Variants in CWC22 observed in about 807,000 individuals in gnomAD.
The protein encoded by CWC22 is pre-mRNA-splicing factor CWC22 homolog.
A neutral mutation model predicts 117.2 loss-of-function variants in CWC22; 53 were observed. The observed-to-expected ratio is 0.45, with a 90% confidence interval of 0.36 to 0.57. The LOEUF is 0.57. Among genes scored for constraint, CWC22 ranks in the 20% least tolerant of loss-of-function variants. CWC22 has a pLI of 0.00. For missense variants in CWC22, 980 were observed against 1,068.8 expected, an observed-to-expected ratio of 0.92 and a Z score of 1.16; for synonymous variants, 360 against 355.6, an observed-to-expected ratio of 1.01 and a Z score of -0.14.
At chr2:179,966,274 G>C (rs78802758) in intron 11 of CWC22, among the ~76,000 whole-genome samples, 4,626 of 152,278 alleles carry the variant, frequency 0.03, 230 homozygotes, top group East Asian at 0.25. Flanking sequence ...AAAAGAGCAA[G>C]AGCACTGGCA....
intron 1 of CWC22, among the ~76,000 whole-genome samples, chr2:180,004,068 G>A (rs1252503062): frequency 2.6e-5 from 4 of 152,118 alleles, no homozygotes; most frequent in Non-Finnish European, 5.9e-5. Flanking sequence ...CAGATAAACA[G>A]AAAAGTAGGG....
intron 4 of CWC22, among the ~76,000 whole-genome samples, chr2:179,986,062 C>T (rs988612001): frequency 6.6e-6 from 1 of 151,864 alleles, no homozygotes; most frequent in African/African-American, 2.4e-5. Flanking sequence ...TAAATATTAC[C>T]CCTAGGAGTC....
chr2:179,978,381 C>T, intron 5 of CWC22, 63 bp from the exon 6 acceptor site: 1 of 1,359,244 alleles, frequency 7.4e-7, no homozygotes. Flanking sequence ...GCTATAAGAA[C>T]ATAAAAACTA....
intron 16 of CWC22, among the ~76,000 whole-genome samples, chr2:179,952,976 G>T (rs1257438119): frequency 6.6e-6 from 1 of 151,978 alleles, no homozygotes; most frequent in African/African-American, 2.4e-5. Flanking sequence ...CTACAATTTT[G>T]TTTAGCACAC....
chr2:179,988,439 G>A, intron 3 of CWC22, 138 bp downstream of exon 3: 1 of 541,744 alleles, frequency 1.8e-6, no homozygotes. Context: ...TCCTCCTACA[G>A]CCCATTCAAG....
intron 1 of CWC22, among the ~76,000 whole-genome samples, chr2:180,000,085 T>C (rs1330189355): frequency 6.6e-6 from 1 of 152,230 alleles, no homozygotes; most frequent in Non-Finnish European, 1.5e-5. Flanking sequence ...ATATCTGTAC[T>C]GAAGGAAAAC....
intron 2 of CWC22, among the ~76,000 whole-genome samples, chr2:179,989,050 T>C (rs1390424063): frequency 1.3e-5 from 2 of 151,882 alleles, no homozygotes; most frequent in East Asian, 1.9e-4. Flanking sequence ...CCCCAATGTG[T>C]AGTCTTTTAT....
intron 14 of CWC22, among the ~76,000 whole-genome samples, chr2:179,957,772 G>C (rs535355319): frequency 8.1e-4 from 123 of 151,804 alleles, no homozygotes; most frequent in Middle Eastern, 3.4e-3. Flanking sequence ...AATCACCAAA[G>C]CTATGGCTCA....
intron 1 of CWC22, among the ~76,000 whole-genome samples, chr2:180,003,377 A>G (rs1428476041): frequency 6.6e-6 from 1 of 152,192 alleles, no homozygotes; most frequent in Non-Finnish European, 1.5e-5. Flanking sequence ...AATATGCCAT[A>G]TGCCTTCATC....
chr2:179,998,592 T>C (rs537604888), intron 1 of CWC22, among the ~76,000 whole-genome samples: 8 of 152,226 alleles, frequency 5.3e-5, no homozygotes, highest in Non-Finnish European at 7.4e-5. Context: ...TGGTAAATTA[T>C]AAAATGTAAA....
chr2:179,948,651 C>G (rs1306143494), intron 19 of CWC22, among the ~76,000 whole-genome samples: 1 of 152,132 alleles, frequency 6.6e-6, no homozygotes, highest in Non-Finnish European at 1.5e-5. Flanking sequence ...AATGTCTAAT[C>G]TCATTCTAAT....
intron 5 of CWC22, 67 bp downstream of exon 5, chr2:179,981,685 A>G (rs1371627041): frequency 1.2e-5 from 16 of 1,371,796 alleles, no homozygotes; most frequent in Non-Finnish European, 1.6e-5. Flanking sequence ...AGGGTTAATT[A>G]AACCACAGTT....
At chr2:179,995,223 T>C (rs1470651184) in intron 1 of CWC22, among the ~76,000 whole-genome samples, 3 of 152,238 alleles carry the variant, frequency 2.0e-5, no homozygotes, top group Non-Finnish European at 4.4e-5. Context: ...ACATCATTGT[T>C]TGAACTTAGT....
intron 13 of CWC22, among the ~76,000 whole-genome samples, chr2:179,963,494 T>C (rs370850582): frequency 8.7e-5 from 13 of 149,612 alleles, no homozygotes; most frequent in Admixed American, 2.7e-4. Context: ...AGGCGCCCGC[T>C]ACCACGCCCG....
intron 14 of CWC22, among the ~76,000 whole-genome samples, chr2:179,957,140 A>G (rs1159197847): frequency 6.6e-6 from 1 of 152,170 alleles, no homozygotes; most frequent in African/African-American, 2.4e-5. Flanking sequence ...AAATAACATG[A>G]CAAGATCATA....
intron 14 of CWC22, among the ~76,000 whole-genome samples, chr2:179,956,728 G>T (rs1329181600): frequency 6.6e-6 from 1 of 151,266 alleles, no homozygotes; most frequent in African/African-American, 2.4e-5. Context: ...AAAAAATAAG[G>T]CTTTTCTAAA....
In CWC22 at chr2:179,963,189, T is replaced by C. The variant is rs1003917220; in HGVS notation, c.1397+1358A>G. Reference sequence around the variant, plus strand: ...TTCAAAGTTAATGTAACTGCAATACTAACACAGTAAATCTGCTGCTCACAA... The same window carrying C: ...TTCAAAGTTAATGTAACTGCAATACCAACACAGTAAATCTGCTGCTCACAA... On this transcript the variant is annotated intron_variant, in intron 13 of 19. Coordinates refer to ENST00000410053, the MANE Select transcript of CWC22 (RefSeq NM_020943.3). Among the ~76,000 whole-genome samples, 3 of 151,818 alleles carry C rather than the reference T, an allele frequency of 2.0e-5. No homozygotes were observed. The Admixed American group carries it at 2.0e-4, about 10-fold the overall frequency.
intron 8 of CWC22, among the ~76,000 whole-genome samples, chr2:179,971,388 A>G (rs887942386): frequency 2.0e-5 from 3 of 152,152 alleles, no homozygotes. Flanking sequence ...TCATAGATAA[A>G]ATATGTTAAA....
At chr2:179,974,996 C>G (rs776613277) in intron 6 of CWC22, among the ~76,000 whole-genome samples, 7 of 152,180 alleles carry the variant, frequency 4.6e-5, no homozygotes, top group Non-Finnish European at 8.8e-5. Flanking sequence ...TTGCCTCAGG[C>G]TCCCAAAGTG....
Sources: allele counts gnomAD v4.1 joint callset (sites outside exome capture counted in the v4.1 genomes callset), GRCh38; gene constraint gnomAD v4.1.1; transcripts MANE v1.5; gene names NCBI Gene and HGNC (gene_info 2026-07-23, HGNC 2026-07-21).